Variants in TRMT2B observed in about 807,000 individuals in gnomAD.
TRMT2B encodes tRNA (uracil-5-)-methyltransferase homolog B.
TRMT2B carries 34 observed loss-of-function variants against 39.7 expected under a neutral mutation model. The observed-to-expected ratio is 0.86, with a 90% confidence interval of 0.65 to 1.14. The LOEUF (loss-of-function observed/expected upper bound fraction) is 1.14. Among genes scored for constraint, TRMT2B ranks in the 50% most tolerant of loss-of-function variants. The probability of loss-of-function intolerance (pLI) is 0.00; values close to 1 mark genes in which losing one functional copy is unlikely to be tolerated. For synonymous variants in TRMT2B, 132 were observed against 137.3 expected, an observed-to-expected ratio of 0.96 and a Z score of 0.27; for missense variants, 318 against 377.2, an observed-to-expected ratio of 0.84 and a Z score of 1.30.
At chrX:101,026,885 A>G (rs1018379145) in intron 7 of TRMT2B, among the ~76,000 whole-genome samples, 1 of 111,681 alleles carries the variant, frequency 9.0e-6, no homozygotes, top group Non-Finnish European at 1.9e-5. Flanking sequence ...TCAATATACT[A>G]TCAGATTGCT....
chrX:101,023,673 A>C, intron 7 of TRMT2B, 57 bp from the exon 8 acceptor site: 4 of 1,120,727 alleles, frequency 3.6e-6, no homozygotes, highest in Non-Finnish European at 4.8e-6. Flanking sequence ...ACAGCTGTTT[A>C]CTCATGCTAG....
chrX:100,983,110 T>C, the TRMT2B span, among the ~76,000 whole-genome samples: 3 of 110,861 alleles, frequency 2.7e-5, no homozygotes, highest in Non-Finnish European at 3.8e-5. Flanking sequence ...TCAGACTCAG[T>C]ACCGGTCCTT....
At chrX:100,998,274 A>AG in the TRMT2B span, among the ~76,000 whole-genome samples, 1 of 108,613 alleles carries the variant, frequency 9.2e-6, no homozygotes, top group Admixed American at 1.0e-4. Flanking sequence ...AAAAAAAAAA[A>AG]AAGAAGAAAA....
chrX:101,005,392 T>A (rs1041136967), downstream of TRMT2B, among the ~76,000 whole-genome samples: 3 of 108,164 alleles, frequency 2.8e-5, no homozygotes, highest in African/African-American at 1.0e-4. Flanking sequence ...CAAGACCATC[T>A]CCCAAAAAAA....
chrX:101,010,396 T>G lies in TRMT2B; in HGVS notation c.*185A>C. The G allele has an allele frequency of 2.1e-6, 1 of 481,966 alleles. No homozygotes were observed. Among genetic ancestry groups the G allele is most frequent in the Non-Finnish European group, 3.5e-6 (1 of 284,799 alleles). The allele number at this position is 481,966 out of a possible 1,213,427, so 39.7% of individuals were successfully genotyped here. On this transcript the variant is annotated 3_prime_UTR_variant, in exon 14 of 14. Coordinates refer to ENST00000372936, the MANE Select transcript of TRMT2B (RefSeq NM_024917.6). ...CACGACACTCCAGCCTGGGCAAGAG[T>G]GAGACTCTATCTCAAAAAAAAAATC...
chrX:101,020,298 T>C (rs1281876410), intron 11 of TRMT2B, among the ~76,000 whole-genome samples, 189 bp downstream of exon 11: 1 of 111,566 alleles, frequency 9.0e-6, no homozygotes, highest in African/African-American at 3.3e-5. Context: ...AGGAAAAAAG[T>C]TAGATATTGG....
chrX:101,003,918 C>A, the TRMT2B span, among the ~76,000 whole-genome samples: 3 of 111,387 alleles, frequency 2.7e-5, no homozygotes, highest in African/African-American at 9.8e-5. Context: ...GCAGCCTCAA[C>A]CTCCTGGGCT....
the TRMT2B span, chrX:100,990,681 G>A: frequency 1.1e-6 from 1 of 923,748 alleles, no homozygotes; most frequent in Non-Finnish European, 1.5e-6. Context: ...CCGAGATGCT[G>A]CTGACAAAGC....
chrX:101,038,122 C>A (rs1201955752), intron 4 of TRMT2B, 71 bp from the exon 5 acceptor site: 41 of 1,006,131 alleles, frequency 4.1e-5, no homozygotes, highest in Non-Finnish European at 5.2e-5. Flanking sequence ...AATCCCAGCA[C>A]TTTGGGAGGC....
chrX:100,992,739 A>AT, the TRMT2B span, among the ~76,000 whole-genome samples: 33 of 111,926 alleles, frequency 2.9e-4, no homozygotes, highest in African/African-American at 1.1e-3. Flanking sequence ...TTTCATCTTC[A>AT]AAACCCTCTG....
chrX:101,042,397 C>A, intron 2 of TRMT2B, 85 bp from the exon 3 acceptor site: 2 of 1,010,945 alleles, frequency 2.0e-6, no homozygotes, highest in Non-Finnish European at 2.6e-6. Flanking sequence ...CCTTATGGAA[C>A]TGAAGCGCCT....
At chrX:101,025,724 C>T (rs990429195) in intron 7 of TRMT2B, among the ~76,000 whole-genome samples, 1 of 111,242 alleles carries the variant, frequency 9.0e-6, no homozygotes, top group Non-Finnish European at 1.9e-5. Context: ...TTTGAGAGGC[C>T]GAGGTGGGCA....
chrX:101,017,818 C>T (rs1345097786), intron 13 of TRMT2B, among the ~76,000 whole-genome samples: 1 of 112,395 alleles, frequency 8.9e-6, no homozygotes, highest in African/African-American at 3.2e-5. Context: ...AGCCAGAATT[C>T]AGGTAAGGCT....
At chrX:101,015,050 AT>A (rs1277389055) in intron 13 of TRMT2B, among the ~76,000 whole-genome samples, 1 of 111,927 alleles carries the variant, frequency 8.9e-6, no homozygotes, top group African/African-American at 3.2e-5. Flanking sequence ...TTTTAAAAAA[AT>A]ACCTTAGAGA....
chrX:101,015,460 G>A (rs1237437400), intron 13 of TRMT2B, among the ~76,000 whole-genome samples: 1 of 110,871 alleles, frequency 9.0e-6, no homozygotes, highest in Non-Finnish European at 1.9e-5. Context: ...GTCAATCTGA[G>A]GTATAAAAAG....
the TRMT2B span, chrX:100,990,680 T>G: frequency 2.1e-6 from 2 of 942,364 alleles, no homozygotes; most frequent in Non-Finnish European, 1.5e-6. Flanking sequence ...ACCGAGATGC[T>G]GCTGACAAAG....
rs1211942448 is a variant in TRMT2B, at chrX:101,010,575, G to A, written c.*6C>T. 8.3e-7 allele frequency: 1 copy of A among 1,210,857 alleles called. No individual in the cohort carries two copies. The highest frequency in any genetic ancestry group is 1.1e-6 in the Non-Finnish European group (1 of 895,159). On this transcript the variant is annotated 3_prime_UTR_variant, in exon 14 of 14. Coordinates refer to ENST00000372936, the MANE Select transcript of TRMT2B (RefSeq NM_024917.6). Reference sequence around the variant, plus strand: ...ACAAATAGCCTGCTGTCTTCTAGGAGGCTGCTTATCGAGTAAAGAGGAGCA... The same window carrying A: ...ACAAATAGCCTGCTGTCTTCTAGGAAGCTGCTTATCGAGTAAAGAGGAGCA...
intron 2 of TRMT2B, among the ~76,000 whole-genome samples, chrX:101,048,936 T>C (rs1209020954): frequency 8.9e-6 from 1 of 112,270 alleles, no homozygotes; most frequent in East Asian, 2.8e-4. Flanking sequence ...AGACAGCCAG[T>C]GCTCAACATG....
the TRMT2B span, among the ~76,000 whole-genome samples, chrX:101,004,280 AC>A: frequency 9.1e-6 from 1 of 110,267 alleles, no homozygotes; most frequent in East Asian, 2.8e-4. Context: ...AACAACAACA[AC>A]AACAACAACA....
Sources: allele counts gnomAD v4.1 joint callset (sites outside exome capture counted in the v4.1 genomes callset), GRCh38; gene constraint gnomAD v4.1.1; transcripts MANE v1.5; gene names NCBI Gene and HGNC (gene_info 2026-07-23, HGNC 2026-07-21).